EYS: variants seen among roughly 807,000 people sequenced by gnomAD.
EYS encodes the protein EGF-like photoreceptor maintenance factor.
EYS carries 250 observed loss-of-function variants against 282.1 expected under a neutral mutation model. The observed-to-expected ratio is 0.89, with a 90% CI of 0.80 to 0.98. EYS has a LOEUF of 0.98. Among genes scored for constraint, EYS ranks in the 50% least tolerant of loss-of-function variants. The probability of loss-of-function intolerance (pLI) is 0.00; values close to 1 mark genes in which losing one functional copy is unlikely to be tolerated. For missense variants in EYS, 4,016 were observed against 3,709.0 expected (o/e 1.08, Z -2.15); for synonymous variants, 1,355 against 1,282.9 (o/e 1.06, Z -1.20).
intron 13 of EYS, among the ~76,000 whole-genome samples, chr6:64,999,745 C>T (rs1455869475): frequency 6.6e-6 from 1 of 152,150 alleles, no homozygotes; most frequent in African/African-American, 2.4e-5. Flanking sequence ...CAGGTGGCTG[C>T]ACATCAGGAG....
At chr6:64,746,731 C>T (rs1454235163) in intron 22 of EYS, among the ~76,000 whole-genome samples, 1 of 152,190 alleles carries the variant, frequency 6.6e-6, no homozygotes, top group East Asian at 1.9e-4. Context: ...TGTATATAGG[C>T]TGATGTGCTT....
At chr6:65,130,058 A>G (rs1281530865) in intron 12 of EYS, among the ~76,000 whole-genome samples, 1 of 152,006 alleles carries the variant, frequency 6.6e-6, no homozygotes, top group East Asian at 1.9e-4. Context: ...ATGAAGAAAC[A>G]GAAAACCAAA....
chr6:65,627,027 CTCTT>C (rs999975388), intron 2 of EYS, among the ~76,000 whole-genome samples: 2 of 137,996 alleles, frequency 1.4e-5, no homozygotes, highest in Non-Finnish European at 3.2e-5. Flanking sequence ...TTCTTTCTTT[CTCTT>C]TCTTTCTCTC....
intron 34 of EYS, among the ~76,000 whole-genome samples, chr6:63,986,523 A>T (rs1316839086): frequency 6.6e-6 from 1 of 151,798 alleles, no homozygotes; most frequent in South Asian, 2.1e-4. Flanking sequence ...GAATCAACCT[A>T]AATGCCCATC....
At chr6:65,153,125 G>T (rs1429912223) in intron 12 of EYS, among the ~76,000 whole-genome samples, 1 of 151,698 alleles carries the variant, frequency 6.6e-6, no homozygotes, top group African/African-American at 2.4e-5. Flanking sequence ...TCCATCTCGC[G>T]AGATTAAGCT....
At chr6:65,485,890 C>T (rs531389776) in intron 5 of EYS, among the ~76,000 whole-genome samples, 99 of 152,204 alleles carry the variant, frequency 6.5e-4, no homozygotes, top group Non-Finnish European at 1.0e-3. Flanking sequence ...TTCTTTTTCC[C>T]TCCAATTCAT....
rs1158150622 is a variant in EYS at position 65,519,686 on chromosome 6, CTA to C, written c.-332-23695_-332-23694del. ...AGAACACTTGCAAAAACTATAATAA[CTA>C]TATATATATATATATATATATTTTT... On this transcript the variant is annotated intron_variant, in intron 2 of 42. Coordinates refer to ENST00000503581, the MANE Select transcript of EYS (RefSeq NM_001142800.2). 8.4e-3 allele frequency among the ~76,000 whole-genome samples: 332 copies of C among 39,752 alleles called. 18 individuals are homozygous for C. The highest frequency in any genetic ancestry group is 0.019 in the African/African-American group (162 of 8,512). 26.1% of individuals were successfully genotyped at this position (39,752 alleles called of 152,430 possible). A position where few individuals can be genotyped will look rare whatever the true frequency, so the allele number is the denominator to read the frequency against.
At chr6:64,764,171 C>T (rs1456969587) in intron 22 of EYS, among the ~76,000 whole-genome samples, 4 of 152,228 alleles carry the variant, frequency 2.6e-5, no homozygotes, top group Non-Finnish European at 5.9e-5. Flanking sequence ...GTGGGGGCTC[C>T]AACCACACAT....
At chr6:63,934,450 G>A (rs1461514668) in intron 35 of EYS, among the ~76,000 whole-genome samples, 5 of 152,022 alleles carry the variant, frequency 3.3e-5, no homozygotes, top group Admixed American at 6.6e-5. Flanking sequence ...ACATGCGCAC[G>A]TATGTTTATT....
chr6:63,857,576 C>G, intron 36 of EYS: 1 of 326,532 alleles, frequency 3.1e-6, no homozygotes, highest in Non-Finnish European at 6.2e-6. Context: ...GTGTATGTTT[C>G]CTAGGGTGCT....
At chr6:64,347,135 T>G (rs931518906) in intron 29 of EYS, among the ~76,000 whole-genome samples, 5 of 151,244 alleles carry the variant, frequency 3.3e-5, no homozygotes, top group Non-Finnish European at 7.4e-5. Context: ...TCAAAAAAAT[T>G]TTTGCTCAAA....
At chr6:64,486,091 A>C (rs1448883587) in intron 26 of EYS, among the ~76,000 whole-genome samples, 2 of 151,470 alleles carry the variant, frequency 1.3e-5, no homozygotes, top group African/African-American at 2.4e-5. Context: ...GTTACAGAGA[A>C]TCTCAAAATT....
chr6:64,016,591 T>G (rs1768904271), intron 33 of EYS, among the ~76,000 whole-genome samples: 1 of 151,370 alleles, frequency 6.6e-6, no homozygotes, highest in Non-Finnish European at 1.5e-5. Flanking sequence ...TCCTCCTGCC[T>G]CAGACTCCCA....
chr6:65,092,335 T>C (rs892929624), intron 12 of EYS, among the ~76,000 whole-genome samples: 6 of 152,202 alleles, frequency 3.9e-5, no homozygotes, highest in Admixed American at 1.3e-4. Flanking sequence ...AGAATTGTCT[T>C]GCTTTATTTC....
Position 65,490,614 on chromosome 6 carries a change from T to G in EYS, c.842A>C (p.Glu281Ala), listed in dbSNP as rs768583692. The change falls in exon 5 of 43, where the codon GAA (glutamate) becomes GCA (alanine). Residue 281 changes from glutamate (E) to alanine (A), a missense_variant. By Grantham distance (107) the Glu-to-Ala change is moderately radical (BLOSUM62 -1). Transcript: ENST00000503581. ...SNITSNSFIC[E>A]CDEQFSGPFC... is the part of the protein sequence containing the mutation. ...TTTACCTGAAAATTGCTCATCACAT[T>G]CACAAATGAAACTATTTGAAGTAAT... 1.2e-6 allele frequency: 2 copies of G among 1,609,414 alleles called. No individual in the cohort carries two copies. The highest frequency in any genetic ancestry group is 2.7e-5 in the African/African-American group (2 of 74,842).
chr6:63,800,154 C>A (rs139942340), intron 37 of EYS, among the ~76,000 whole-genome samples: 1 of 152,134 alleles, frequency 6.6e-6, no homozygotes, highest in Non-Finnish European at 1.5e-5. Flanking sequence ...CTGACTTCCA[C>A]GTTTTCTATC....
At chr6:65,332,417 T>C in intron 11 of EYS, 1 of 1,378,558 alleles carries the variant, frequency 7.3e-7, no homozygotes, top group Non-Finnish European at 1.0e-6. Flanking sequence ...TGAGGATTCT[T>C]CTGTGAATTA....
chr6:64,344,918 G>C (rs1371472761), intron 29 of EYS, among the ~76,000 whole-genome samples: 3 of 151,996 alleles, frequency 2.0e-5, no homozygotes, highest in Non-Finnish European at 2.9e-5. Flanking sequence ...GACAAACAGA[G>C]AGCCAAATCA....
At chr6:64,339,274 A>G (rs756518340) in intron 29 of EYS, among the ~76,000 whole-genome samples, 10 of 151,960 alleles carry the variant, frequency 6.6e-5, no homozygotes, top group African/African-American at 9.7e-5. Context: ...GAACTCAAAC[A>G]TATCAGTAAG....
Sources: allele counts gnomAD v4.1 joint callset (sites outside exome capture counted in the v4.1 genomes callset), GRCh38; gene constraint gnomAD v4.1.1; transcripts MANE v1.5; gene names NCBI Gene and HGNC (gene_info 2026-07-23, HGNC 2026-07-21).